The following FXYD6 variants were observed in gnomAD, a reference collection of about 807,000 sequenced individuals.
FXYD6 encodes FXYD domain-containing ion transport regulator 6.
A neutral mutation model predicts 16.7 loss-of-function variants in FXYD6; 7 were observed. That is an observed-to-expected ratio of 0.42 (90% CI 0.24 to 0.79). The LOEUF is 0.79. Among genes scored for constraint, FXYD6 ranks in the 30% least tolerant of loss-of-function variants. The pLI, the probability that FXYD6 is intolerant of heterozygous loss-of-function variation, is 0.28. For missense variants in FXYD6, 111 were observed against 116.2 expected, an observed-to-expected ratio of 0.95 and a Z score of 0.21; for synonymous variants, 49 against 43.0, an observed-to-expected ratio of 1.14 and a Z score of -0.54.
Position 117,838,057 on chromosome 11 carries a change from A to G in FXYD6, c.*242T>C. On this transcript the variant is annotated 3_prime_UTR_variant, in exon 8 of 8. Transcript: ENST00000526014. The stretch of plus-strand genomic sequence containing the variant: ...CACACACAGTCACACACACACACAC[A>G]CACACACACATCACGGGAGGTGGGC... The G allele has an allele frequency of 3.0e-6, 2 of 663,584 alleles. No homozygotes were observed. Among genetic ancestry groups the G allele is most frequent in the East Asian group, 2.7e-5 (1 of 36,796 alleles). 41.1% of individuals were successfully genotyped at this position (663,584 alleles called of 1,614,324 possible). A position where few individuals can be genotyped will look rare whatever the true frequency, so the allele number is the denominator to read the frequency against.
intron 1 of FXYD6, among the ~76,000 whole-genome samples, chr11:117,861,687 A>AT (rs1410910336): frequency 6.6e-6 from 1 of 152,250 alleles, no homozygotes; most frequent in Non-Finnish European, 1.5e-5. Context: ...AAATGGAAAG[A>AT]TAAACAGAGA....
chr11:117,866,025 G>A (rs1256720941), intron 1 of FXYD6, among the ~76,000 whole-genome samples: 1 of 152,168 alleles, frequency 6.6e-6, no homozygotes, highest in African/African-American at 2.4e-5. Context: ...GAGGCCAAGT[G>A]AAATAAGCCA....
At chr11:117,861,217 A>T (rs2056897304) in intron 1 of FXYD6, among the ~76,000 whole-genome samples, 1 of 151,916 alleles carries the variant, frequency 6.6e-6, no homozygotes, top group African/African-American at 2.4e-5. Flanking sequence ...CTCTGTCCCC[A>T]CTCGAACCCT....
At chr11:117,860,894 C>G (rs912904360) in intron 1 of FXYD6, among the ~76,000 whole-genome samples, 1 of 152,218 alleles carries the variant, frequency 6.6e-6, no homozygotes, top group Non-Finnish European at 1.5e-5. Flanking sequence ...CACAGACGGG[C>G]AGACTGAGGT....
In FXYD6 at chr11:117,841,175, C is replaced by T. The variant is rs148326058; in HGVS notation, c.182G>A (p.Cys61Tyr). 1 of 1,614,114 alleles carries T rather than the reference C, an allele frequency of 6.2e-7. No homozygotes were observed. Among genetic ancestry groups the T allele is most frequent in the Non-Finnish European group, 8.5e-7 (1 of 1,180,024 alleles). ...VGILLILSRR[C>Y]KCSFNQKPRA... Reference sequence around the variant, plus strand: ...GGGCTTCTGATTGAAACTGCACTTGCACCTGCGACCTGAAAAGCAAAGAAA... The same window carrying T: ...GGGCTTCTGATTGAAACTGCACTTGTACCTGCGACCTGAAAAGCAAAGAAA... Residue 61 changes from cysteine (C) to tyrosine (Y), a missense_variant, in exon 5 of 8, where the codon TGC becomes TAC. Coordinates refer to ENST00000526014, the MANE Select transcript of FXYD6 (RefSeq NM_022003.4).
At position 117,848,103 on chromosome 11, in the gene FXYD6, T is replaced by C. The variant is rs554114969; in HGVS notation, c.-5-5322A>G. Among the ~76,000 whole-genome samples, 8 of 152,336 alleles carry C rather than the reference T, an allele frequency of 5.3e-5. No homozygotes were observed. In the East Asian group the frequency reaches 1.5e-3, roughly 29 times the overall value. On this transcript the variant is annotated intron_variant, in intron 1 of 7. Transcript: ENST00000526014. ...TCATTGTGGTTATTTATATTTCTTGTCCTAGTGTACTGGGTAGGAATTCCA... is the reference window on the plus strand; with the variant it reads ...TCATTGTGGTTATTTATATTTCTTGCCCTAGTGTACTGGGTAGGAATTCCA...
intron 1 of FXYD6, among the ~76,000 whole-genome samples, chr11:117,859,340 A>G (rs1334883388): frequency 6.6e-6 from 1 of 152,148 alleles, no homozygotes; most frequent in African/African-American, 2.4e-5. Context: ...CACACTGCAC[A>G]CTTCCCAGAC....
At position 117,872,851 on chromosome 11, in the gene FXYD6, G is replaced by A. The variant is rs1055689827; in HGVS notation, c.-6+3741C>T. Reference sequence around the variant, plus strand: ...CAAATTGGTTCCATGCTTTTGTTTCGGCCGGAGATGTCCTGCCTCTCATCA... The same window carrying A: ...CAAATTGGTTCCATGCTTTTGTTTCAGCCGGAGATGTCCTGCCTCTCATCA... On this transcript the variant is annotated intron_variant, in intron 1 of 7. Coordinates refer to ENST00000526014, the MANE Select transcript of FXYD6 (RefSeq NM_022003.4). This position sits in a 1 kb window ranked among gnomAD's most constrained non-coding sequence, Gnocchi z 4.9. 6.6e-5 allele frequency among the ~76,000 whole-genome samples: 10 copies of A among 152,054 alleles called. No homozygotes were observed. The highest frequency in any genetic ancestry group is 2.4e-4 in the African/African-American group (10 of 41,376).
At chr11:117,853,203 G>A (rs1436999579) in intron 1 of FXYD6, among the ~76,000 whole-genome samples, 1 of 152,128 alleles carries the variant, frequency 6.6e-6, no homozygotes, top group African/African-American at 2.4e-5. Context: ...GCTCATATTT[G>A]CTAGATTTTA....
chr11:117,853,204 C>T (rs919895141), intron 1 of FXYD6, among the ~76,000 whole-genome samples: 9 of 152,144 alleles, frequency 5.9e-5, no homozygotes, highest in Non-Finnish European at 1.0e-4. Context: ...CTCATATTTG[C>T]TAGATTTTAA....
chr11:117,868,791 A>C (rs1244706225), intron 1 of FXYD6: 2 of 152,234 alleles, frequency 1.3e-5, no homozygotes, highest in Non-Finnish European at 2.9e-5. Context: ...TTTTCTGTAA[A>C]TCTAACTGTT....
intron 1 of FXYD6, among the ~76,000 whole-genome samples, chr11:117,869,351 C>G (rs2057083835): frequency 6.6e-6 from 1 of 152,248 alleles, no homozygotes. Flanking sequence ...CAGCGCATCA[C>G]TGTGGCTGAC....
chr11:117,841,110 G>T lies in FXYD6; in HGVS notation c.209+38C>A, dbSNP rs368854664. On this transcript the variant is annotated intron_variant, in intron 5 of 7. Transcript: ENST00000526014. ...CAGGGGTCCCTTCCTGTCCCACCTA[G>T]TATCACCCCCCCAAGGCCACTGCCA... The T allele has an allele frequency of 2.8e-5, 45 of 1,613,494 alleles. No individual in the cohort carries two copies. In the African/African-American group the frequency reaches 5.3e-4, roughly 19 times the overall value.
intron 1 of FXYD6, among the ~76,000 whole-genome samples, chr11:117,871,138 T>C (rs36086368): frequency 0.017 from 2,582 of 152,306 alleles, 27 homozygotes; most frequent in Non-Finnish European, 0.028. Context: ...CTCTCTCCTT[T>C]GACTTCAGCT....
chr11:117,862,961 G>T (rs548228807), intron 1 of FXYD6, among the ~76,000 whole-genome samples: 1 of 152,302 alleles, frequency 6.6e-6, no homozygotes, highest in African/African-American at 2.4e-5. Flanking sequence ...TGATGATGAT[G>T]ATGATGATGA....
intron 1 of FXYD6, among the ~76,000 whole-genome samples, chr11:117,848,378 C>T (rs1024671556): frequency 3.4e-5 from 5 of 147,580 alleles, no homozygotes; most frequent in African/African-American, 1.2e-4. Context: ...ATCATCCCTG[C>T]ATTTCTGAAA....
rs574630312 is a variant in FXYD6 at position 117,849,320 on chromosome 11, T to C, written c.-5-6539A>G. On this transcript the variant is annotated intron_variant, in intron 1 of 7. Transcript: ENST00000526014. ...TAGTGATTTTTATTTGCTTTTGTTA[T>C]TGACTTCTAACTTAAGTGCACCAAG... Among the ~76,000 whole-genome samples, 10 of 152,334 alleles carry C rather than the reference T, an allele frequency of 6.6e-5. No homozygotes were observed. In the East Asian group the frequency reaches 1.9e-3, roughly 29 times the overall value.
chr11:117,841,102 C>G (rs762509150), intron 5 of FXYD6, 46 bp downstream of exon 5: 6 of 1,612,928 alleles, frequency 3.7e-6, no homozygotes, highest in South Asian at 2.2e-5. Flanking sequence ...CCCTTCCTGT[C>G]CCACCTAGTA....
chr11:117,841,436 C>T, intron 4 of FXYD6: 1 of 594,512 alleles, frequency 1.7e-6, no homozygotes, highest in Admixed American at 3.0e-5. Context: ...CTGTGCAGAT[C>T]AGGCTCATGT....
Sources: gnomAD v4.1 joint callset for allele counts (sites outside exome capture counted in the v4.1 genomes callset) on GRCh38, gnomAD v4.1.1 for gene constraint, Gnocchi (gnomAD v3.1) non-coding constraint, MANE v1.5 for transcripts, NCBI Gene and HGNC (gene_info 2026-07-23, HGNC 2026-07-21) for gene names.